Variants in GRIA4 observed in about 807,000 individuals in gnomAD.
The protein encoded by GRIA4 is glutamate receptor 4.
In GRIA4, 34 loss-of-function variants were observed where a neutral mutation model predicts 104.0. The observed-to-expected ratio is 0.33, with a 90% CI of 0.25 to 0.44. GRIA4 has a LOEUF of 0.44. Among genes scored for constraint, GRIA4 ranks in the 20% least tolerant of loss-of-function variants. GRIA4 has a pLI of 1.00. For synonymous variants in GRIA4, 386 were observed against 381.9 expected (o/e 1.01, Z -0.13); for missense variants, 750 against 1,096.5 (o/e 0.68, Z 4.46).
At chr11:105,906,464 G>A (rs997854642) in intron 9 of GRIA4, among the ~76,000 whole-genome samples, 1 of 152,158 alleles carries the variant, frequency 6.6e-6, no homozygotes, top group Non-Finnish European at 1.5e-5. Flanking sequence ...AACAACCGAA[G>A]AAAGGCTTGG....
At chr11:105,729,224 C>A (rs113182841) in intron 3 of GRIA4, among the ~76,000 whole-genome samples, 1 of 152,140 alleles carries the variant, frequency 6.6e-6, no homozygotes, top group Admixed American at 6.6e-5. Flanking sequence ...ACTATAAACA[C>A]ACCTATGCAA....
chr11:105,780,457 C>G (rs1941676237), intron 4 of GRIA4, among the ~76,000 whole-genome samples: 1 of 152,140 alleles, frequency 6.6e-6, no homozygotes, highest in Non-Finnish European at 1.5e-5. Context: ...CTCTACAACA[C>G]TGCAAAAGAA....
At chr11:105,888,207 C>G (rs1413301838) in intron 6 of GRIA4, among the ~76,000 whole-genome samples, 1 of 148,606 alleles carries the variant, frequency 6.7e-6, no homozygotes, top group Non-Finnish European at 1.5e-5. Context: ...TTATAGAGTA[C>G]CATTTGCCCT....
intron 14 of GRIA4, among the ~76,000 whole-genome samples, chr11:105,964,452 C>T (rs1001795390): frequency 6.6e-6 from 1 of 152,144 alleles, no homozygotes; most frequent in Non-Finnish European, 1.5e-5. Context: ...CTTTAGTAGG[C>T]TAATTAGTGG....
chr11:105,948,182 A>C (rs1342757168), intron 14 of GRIA4, among the ~76,000 whole-genome samples: 1 of 152,208 alleles, frequency 6.6e-6, no homozygotes, highest in East Asian at 1.9e-4. Flanking sequence ...TGTGTTGCTC[A>C]TCAGCCTAAA....
At chr11:105,960,801 A>T (rs1948724718) in intron 14 of GRIA4, among the ~76,000 whole-genome samples, 1 of 152,178 alleles carries the variant, frequency 6.6e-6, no homozygotes, top group Non-Finnish European at 1.5e-5. Context: ...GCACAGTTCC[A>T]TGGGAAAAAG....
At chr11:105,653,708 C>CTG (rs1013375050) in intron 3 of GRIA4, among the ~76,000 whole-genome samples, 1 of 151,784 alleles carries the variant, frequency 6.6e-6, no homozygotes, top group African/African-American at 2.4e-5. Context: ...AGGGTCAGTG[C>CTG]TGTGACAGAA....
At chr11:105,780,548 T>C (rs935396084) in intron 4 of GRIA4, among the ~76,000 whole-genome samples, 2 of 152,064 alleles carry the variant, frequency 1.3e-5, no homozygotes, top group Non-Finnish European at 2.9e-5. Context: ...TTAGGTATTG[T>C]ATACAAAGGA....
intron 4 of GRIA4, among the ~76,000 whole-genome samples, chr11:105,839,919 G>T (rs1944334628): frequency 6.6e-6 from 1 of 151,336 alleles, no homozygotes; most frequent in Non-Finnish European, 1.5e-5. Context: ...TATTAATTTT[G>T]TTCTTTTACA....
chr11:105,895,954 T>G (rs113162547), intron 6 of GRIA4, among the ~76,000 whole-genome samples: 22 of 152,362 alleles, frequency 1.4e-4, no homozygotes, highest in African/African-American at 4.8e-4. Context: ...GTGGGATTAC[T>G]AGGTCAAATG....
intron 4 of GRIA4, among the ~76,000 whole-genome samples, chr11:105,797,350 C>T (rs1942523107): frequency 6.6e-6 from 1 of 152,134 alleles, no homozygotes; most frequent in Admixed American, 6.5e-5. Flanking sequence ...GAGTAATGTA[C>T]TCCTTTTAGA....
At chr11:105,823,011 A>G (rs894144023) in intron 4 of GRIA4, among the ~76,000 whole-genome samples, 9 of 152,086 alleles carry the variant, frequency 5.9e-5, no homozygotes, top group Non-Finnish European at 1.3e-4. Flanking sequence ...GCCTCTTCCA[A>G]TGTTTTCTGC....
chr11:105,902,801 A>G (rs917152362), intron 7 of GRIA4, among the ~76,000 whole-genome samples: 10 of 152,170 alleles, frequency 6.6e-5, no homozygotes, highest in Non-Finnish European at 2.9e-5. Context: ...AAAGGAGATA[A>G]TGTAGTTTTT....
intron 4 of GRIA4, among the ~76,000 whole-genome samples, chr11:105,784,661 T>C (rs1332330511): frequency 6.6e-6 from 1 of 152,172 alleles, no homozygotes; most frequent in African/African-American, 2.4e-5. Context: ...TTTACCCTAA[T>C]AAACTATCAA....
chr11:105,891,475 T>G (rs1311316012), intron 6 of GRIA4, among the ~76,000 whole-genome samples: 1 of 152,118 alleles, frequency 6.6e-6, no homozygotes, highest in Non-Finnish European at 1.5e-5. Context: ...CTTTAAGATT[T>G]TATCCCTACT....
intron 4 of GRIA4, among the ~76,000 whole-genome samples, chr11:105,763,671 C>A (rs1940781569): frequency 6.6e-6 from 1 of 152,238 alleles, no homozygotes; most frequent in South Asian, 2.1e-4. Flanking sequence ...AGGTTAAGAT[C>A]ATAACAAATA....
At chr11:105,650,538 A>G (rs1461710724) in intron 3 of GRIA4, among the ~76,000 whole-genome samples, 2 of 152,200 alleles carry the variant, frequency 1.3e-5, no homozygotes, top group Non-Finnish European at 2.9e-5. Flanking sequence ...ACTTGACAAC[A>G]ACCTAAAACT....
At chr11:105,974,597 C>A (rs1478734653) in intron 16 of GRIA4, 153 bp downstream of exon 16, 3 of 1,586,032 alleles carry the variant, frequency 1.9e-6, no homozygotes, top group Non-Finnish European at 2.6e-6. Context: ...GGGGATGCAT[C>A]CTGTGAACGC....
chr11:105,813,973 A>G (rs1943278472), intron 4 of GRIA4, among the ~76,000 whole-genome samples: 1 of 152,202 alleles, frequency 6.6e-6, no homozygotes, highest in Non-Finnish European at 1.5e-5. Flanking sequence ...TCCGAATAGA[A>G]GAGAGAATCA....
Sources: allele counts gnomAD v4.1 joint callset (sites outside exome capture counted in the v4.1 genomes callset), GRCh38; gene constraint gnomAD v4.1.1; transcripts MANE v1.5; gene names NCBI Gene and HGNC (gene_info 2026-07-23, HGNC 2026-07-21).